The following SYMPK variants were observed in gnomAD, a reference collection of about 807,000 sequenced individuals.
SYMPK encodes symplekin.
A neutral mutation model predicts 136.4 loss-of-function variants in SYMPK; 49 were observed. The ratio of observed to expected loss-of-function variants is 0.36; its 90% CI spans 0.29 to 0.46. The LOEUF is 0.46. Among genes scored for constraint, SYMPK ranks in the 20% least tolerant of loss-of-function variants. The pLI is 1.00. For missense variants in SYMPK, 1,365 were observed against 1,690.0 expected (o/e 0.81, Z 3.37); for synonymous variants, 766 against 713.0 (o/e 1.07, Z -1.19).
rs917478507 is a variant in SYMPK, at chr19:45,830,047, C to A, written c.1749+7G>T. On this transcript the variant is annotated splice_region_variant and intron_variant, in intron 13 of 26. Transcript: ENST00000245934. ...GAAGGATGGGGTGGGGGGTGGCAGG[C>A]GCACACCTGGGCTGCCCCGCTGCAG... is the stretch of plus-strand genomic sequence containing the variant. 1.4e-5 allele frequency: 21 copies of A among 1,539,634 alleles called. No individual in the cohort carries two copies. Among genetic ancestry groups the A allele is most frequent in the Non-Finnish European group, 1.8e-5 (21 of 1,137,476 alleles).
At chr19:45,853,018 T>C (rs372599781) in intron 3 of SYMPK, among the ~76,000 whole-genome samples, 3 of 152,320 alleles carry the variant, frequency 2.0e-5, no homozygotes, top group East Asian at 3.9e-4. Flanking sequence ...CCTGCCAGGC[T>C]CTTTGGAGTA....
rs188360728 is a variant in SYMPK, at chr19:45,816,038, G to A, written c.3500C>T (p.Pro1167Leu). 340 of 1,578,264 alleles carry A rather than the reference G, an allele frequency of 2.2e-4. 1 individual carries two copies. In the African/African-American group the frequency reaches 4.1e-3, roughly 19 times the overall value. ...QKLKPGGVGA[P>L]SSSSPSPSPS... ...AGAGGGAGAGGGGGAGGAAGAGGAG[G>A]GGGCTCCCACTCCTCCCGGCTTCAG... Residue 1167 changes from proline to leucine, a missense_variant, in exon 26 of 27, where the codon CCC becomes CTC. Pro to Leu is a moderately conservative substitution (Grantham distance 98). Coordinates refer to ENST00000245934, the MANE Select transcript of SYMPK (RefSeq NM_004819.3).
Position 45,862,901 on chromosome 19 carries a change from T to C in SYMPK, c.-13+157A>G, listed in dbSNP as rs567436166. On this transcript the variant is annotated intron_variant, in intron 1 of 26. Coordinates refer to ENST00000245934, the MANE Select transcript of SYMPK (RefSeq NM_004819.3). ...CGTTGGAACTTTGCCTCGAGGGCAC[T>C]AGGGAGCCAAGGAAGGGTCCTGAGC... Among the ~76,000 whole-genome samples the C allele has an allele frequency of 7.2e-5, 11 of 152,262 alleles. No homozygotes were observed. The South Asian group carries it at 2.3e-3, about 32-fold the overall frequency.
intron 11 of SYMPK, among the ~76,000 whole-genome samples, chr19:45,832,284 G>T (rs1971199139): frequency 6.6e-6 from 1 of 152,116 alleles, no homozygotes; most frequent in South Asian, 2.1e-4. Context: ...TGGGATTATA[G>T]ACACCCACTG....
chr19:45,842,644 A>C, intron 8 of SYMPK, 155 bp from the exon 9 acceptor site: 1 of 1,003,934 alleles, frequency 1.0e-6, no homozygotes, highest in Non-Finnish European at 1.4e-6. Context: ...TCCGCCTTAC[A>C]AGCTGATGCT....
intron 8 of SYMPK, 81 bp from the exon 9 acceptor site, chr19:45,842,570 G>A: frequency 6.4e-7 from 1 of 1,562,854 alleles, no homozygotes; most frequent in African/African-American, 1.3e-5. Context: ...CCCCAAACTT[G>A]GGCAGTGGTC....
rs148597089 is a variant in SYMPK at position 45,840,770 on chromosome 19, G to A, written c.1087+1480C>T. Among the ~76,000 whole-genome samples the A allele has an allele frequency of 5.9e-5, 9 of 151,934 alleles. No individual in the cohort carries two copies. In the South Asian group the frequency reaches 1.0e-3, roughly 18 times the overall value. On this transcript the variant is annotated intron_variant, in intron 9 of 26. Coordinates refer to ENST00000245934, the MANE Select transcript of SYMPK (RefSeq NM_004819.3). ...AGGTATGAGAATTGCTTGAACCCGG[G>A]AGACAGAGGCTGCAGTGAGCCCAGA...
intron 18 of SYMPK, among the ~76,000 whole-genome samples, chr19:45,824,689 T>C (rs1970996889): frequency 6.6e-6 from 1 of 152,188 alleles, no homozygotes; most frequent in Non-Finnish European, 1.5e-5. Context: ...TCTCAGGTGC[T>C]AGTCTGTCAC....
At position 45,852,520 on chromosome 19, in the gene SYMPK, T is replaced by C; in HGVS notation, c.187A>G (p.Ile63Val). The change falls in exon 4 of 27, where the codon ATC becomes GTC. Residue 63 changes from isoleucine to valine, a missense_variant. Around this residue, in one of 11 missense-constraint regions of SYMPK, gnomAD observed 2 missense variants for 20.2 expected, o/e 0.10. Coordinates refer to ENST00000245934, the MANE Select transcript of SYMPK (RefSeq NM_004819.3). ...TCCAGTAGTGTGGGGTCTTTGTTGA[T>C]GATCAGCTCCTGGACCTGGAAGGAG... The part of the protein sequence containing the change: ...TVLKQVQELI[I>V]NKDPTLLDNF... 1 of 1,614,146 alleles carries C rather than the reference T, an allele frequency of 6.2e-7. No individual in the cohort carries two copies. The highest frequency in any genetic ancestry group is 8.5e-7 in the Non-Finnish European group (1 of 1,180,020).
At chr19:45,818,922 G>A (rs1380014770) in intron 22 of SYMPK, 1 of 151,580 alleles carries the variant, frequency 6.6e-6, no homozygotes, top group African/African-American at 2.4e-5. Flanking sequence ...TGTCAACCAG[G>A]AAGTCTTTAT....
chr19:45,827,900 C>T lies in SYMPK; in HGVS notation c.2004G>A (p.Val668=), dbSNP rs767060463. The T allele has an allele frequency of 6.2e-7, 1 of 1,613,956 alleles. No homozygotes were observed. Among genetic ancestry groups the T allele is most frequent in the Non-Finnish European group, 8.5e-7 (1 of 1,180,026 alleles). ...TCTCTGTGATGAGTGGCGCCTCCAGCACAACCTTGGTGAAGATCCTGCCAG... is the reference window on the plus strand; with the variant it reads ...TCTCTGTGATGAGTGGCGCCTCCAGTACAACCTTGGTGAAGATCCTGCCAG... ...DQKDGIFTKV[V]LEAPLITESA... The change falls in exon 15 of 27, where the codon GTG becomes GTA. Residue 668 remains valine, a synonymous_variant. Coordinates refer to ENST00000245934, the MANE Select transcript of SYMPK (RefSeq NM_004819.3).
chr19:45,842,374 G>C lies in SYMPK; in HGVS notation c.963C>G (p.Ile321Met). ...HPASLEFQAQ[I>M]TTLLVDLGTP... ...TGCCCAGGTCCACCAGCAGGGTGGT[G>C]ATCTGGGCCTGGAACTCCAAGGAAG... is the stretch of plus-strand genomic sequence containing the variant. The change falls in exon 9 of 27, where the codon ATC becomes ATG. Residue 321 changes from isoleucine (I) to methionine (M), a missense_variant. By Grantham distance (10) the Ile-to-Met change is conservative (BLOSUM62 1). Around this residue, in one of 11 missense-constraint regions of SYMPK, gnomAD observed 111 missense variants for 141.2 expected, o/e 0.79. Coordinates refer to ENST00000245934, the MANE Select transcript of SYMPK (RefSeq NM_004819.3). 6.2e-7 allele frequency: 1 copy of C among 1,614,224 alleles called. No individual in the cohort carries two copies. Among genetic ancestry groups the C allele is most frequent in the Non-Finnish European group, 8.5e-7 (1 of 1,180,044 alleles).
chr19:45,854,086 G>T, intron 3 of SYMPK, 89 bp downstream of exon 3: 1 of 1,230,444 alleles, frequency 8.1e-7, no homozygotes, highest in Non-Finnish European at 1.2e-6. Context: ...GTGTAAATGT[G>T]GACACTGGTG....
chr19:45,846,115 G>A (rs1182997143), intron 7 of SYMPK, among the ~76,000 whole-genome samples: 1 of 152,100 alleles, frequency 6.6e-6, no homozygotes, highest in Admixed American at 6.5e-5. Context: ...GGGCACCTGT[G>A]GTCCCAGCTA....
chr19:45,818,293 C>T, intron 22 of SYMPK, 147 bp from the exon 23 acceptor site: 1 of 786,568 alleles, frequency 1.3e-6, no homozygotes. Context: ...GGAGACTCCC[C>T]CGACCCAGCA....
At chr19:45,828,011 C>T in intron 14 of SYMPK, 93 bp from the exon 15 acceptor site, 1 of 1,171,096 alleles carries the variant, frequency 8.5e-7, no homozygotes, top group South Asian at 1.2e-5. Flanking sequence ...GGCCAGCAGG[C>T]CCTCCCTCAG....
At chr19:45,820,849 G>A in intron 22 of SYMPK, 1 of 454,064 alleles carries the variant, frequency 2.2e-6, no homozygotes, top group Non-Finnish European at 3.9e-6. Flanking sequence ...CCAAGTGGCG[G>A]ACCAGCAGGC....
chr19:45,829,344 A>C, intron 13 of SYMPK, 139 bp from the exon 14 acceptor site: 2 of 641,384 alleles, frequency 3.1e-6, no homozygotes, highest in East Asian at 6.6e-5. Context: ...CCAGCCGAGG[A>C]CCCTTATGCC....
At position 45,827,676 on chromosome 19, in the gene SYMPK, G is replaced by A. The variant is rs1255628637; in HGVS notation, c.2068-53C>T. ...TCAGCCCACCTGAGTGTGCCTCTGG[G>A]CTCTGTCTTTCCTGCCTGCCTCTGA... is the stretch of plus-strand genomic sequence containing the variant. On this transcript the variant is annotated intron_variant, in intron 15 of 26. Coordinates refer to ENST00000245934, the MANE Select transcript of SYMPK (RefSeq NM_004819.3). 4 of 1,555,148 alleles carry A rather than the reference G, an allele frequency of 2.6e-6. No homozygotes were observed. In the African/African-American group the frequency reaches 5.4e-5, roughly 21 times the overall value.
Sources: gnomAD v4.1 joint callset for allele counts (sites outside exome capture counted in the v4.1 genomes callset) on GRCh38, gnomAD v4.1.1 for gene constraint, gnomAD v4.1.1 regional missense constraint, MANE v1.5 for transcripts, NCBI Gene and HGNC (gene_info 2026-07-23, HGNC 2026-07-21) for gene names.